Variants in STK39 observed in about 807,000 individuals in gnomAD.
STK39 encodes the protein serine/threonine kinase 39, also known as STE20/SPS1-related proline-alanine-rich protein kinase.
A neutral mutation model predicts 77.8 loss-of-function variants in STK39; 20 were observed. The ratio of observed to expected loss-of-function variants is 0.26; its 90% CI spans 0.18 to 0.37. The LOEUF (loss-of-function observed/expected upper bound fraction) is 0.37, where lower values mean the gene tolerates loss of function less well. STK39 is among the 10% of genes least tolerant of loss of function. The pLI is 1.00. For missense variants in STK39, 479 were observed against 656.5 expected (o/e 0.73, Z 2.95); for synonymous variants, 246 against 234.1 (o/e 1.05, Z -0.47).
intron 5 of STK39, among the ~76,000 whole-genome samples, chr2:168,157,094 G>A (rs1305593429): frequency 1.3e-5 from 2 of 152,114 alleles, no homozygotes; most frequent in Non-Finnish European, 2.9e-5. Flanking sequence ...AGTGACAGAA[G>A]CAAGTTAAGT....
At chr2:168,221,139 T>C (rs1370956997) in intron 1 of STK39, among the ~76,000 whole-genome samples, 1 of 152,198 alleles carries the variant, frequency 6.6e-6, no homozygotes, top group Non-Finnish European at 1.5e-5. Flanking sequence ...CTAGGATACC[T>C]TTGTTCAAAG....
intron 1 of STK39, among the ~76,000 whole-genome samples, chr2:168,244,998 G>A (rs1414112277): frequency 6.6e-6 from 1 of 152,150 alleles, no homozygotes; most frequent in East Asian, 1.9e-4. Context: ...AAAAAATACT[G>A]TTTTCAAAAG....
intron 1 of STK39, among the ~76,000 whole-genome samples, chr2:168,231,245 A>G (rs914023477): frequency 6.6e-6 from 1 of 152,188 alleles, no homozygotes; most frequent in Non-Finnish European, 1.5e-5. Context: ...AGTATTTTAA[A>G]AGCAAATTAA....
At chr2:167,970,869 A>G (rs759846415) in intron 16 of STK39, among the ~76,000 whole-genome samples, 1 of 152,102 alleles carries the variant, frequency 6.6e-6, no homozygotes, top group Non-Finnish European at 1.5e-5. Flanking sequence ...TCTGATTTCT[A>G]TATGTTACTT....
intron 4 of STK39, 98 bp downstream of exon 4, chr2:168,163,640 AC>A (rs1353321441): frequency 1.2e-6 from 2 of 1,603,140 alleles, no homozygotes; most frequent in African/African-American, 2.7e-5. Flanking sequence ...CAGAGGTCAC[AC>A]CTGTGAATCT....
chr2:168,182,949 G>C (rs1689120329), intron 1 of STK39, among the ~76,000 whole-genome samples: 2 of 152,138 alleles, frequency 1.3e-5, no homozygotes, highest in Admixed American at 1.3e-4. Context: ...TTGTGCAAAG[G>C]TGGTCAGAGG....
chr2:168,220,103 A>G (rs1690128601), intron 1 of STK39, among the ~76,000 whole-genome samples: 1 of 152,140 alleles, frequency 6.6e-6, no homozygotes, highest in Non-Finnish European at 1.5e-5. Context: ...ATTTATAAAT[A>G]GAGATAAAGG....
intron 17 of STK39, among the ~76,000 whole-genome samples, chr2:167,959,288 T>G (rs573387457): frequency 6.6e-6 from 1 of 151,722 alleles, no homozygotes; most frequent in East Asian, 1.9e-4. Context: ...CCAGGTAATT[T>G]TTTTTTTTTT....
chr2:168,087,718 G>A (rs1992928), intron 10 of STK39, among the ~76,000 whole-genome samples: 36,730 of 152,128 alleles, frequency 0.24, 5,117 homozygotes, highest in Non-Finnish European at 0.31. Context: ...GTTGAAGCCT[G>A]ACTGATACAC....
At chr2:167,971,993 C>T (rs568795317) in intron 16 of STK39, among the ~76,000 whole-genome samples, 80 of 152,346 alleles carry the variant, frequency 5.3e-4, no homozygotes, top group African/African-American at 1.7e-3. Context: ...CCCCATGCAA[C>T]GCCTTGGGCA....
chr2:168,165,236 T>C (rs1187206646), intron 3 of STK39, among the ~76,000 whole-genome samples: 1 of 152,210 alleles, frequency 6.6e-6, no homozygotes, highest in Non-Finnish European at 1.5e-5. Context: ...GCCCACGTCC[T>C]TACCTGTGGA....
At chr2:168,223,043 A>C (rs1036495868) in intron 1 of STK39, among the ~76,000 whole-genome samples, 4 of 152,182 alleles carry the variant, frequency 2.6e-5, no homozygotes, top group Admixed American at 6.5e-5. Context: ...TGCAAGGCCA[A>C]TATGATGGTC....
At chr2:168,032,967 A>T (rs1306519682) in intron 14 of STK39, among the ~76,000 whole-genome samples, 2 of 152,248 alleles carry the variant, frequency 1.3e-5, no homozygotes, top group African/African-American at 4.8e-5. Flanking sequence ...GGTAAAGGTT[A>T]ACAGTTATAA....
intron 10 of STK39, among the ~76,000 whole-genome samples, chr2:168,084,077 G>A (rs567015018): frequency 6.6e-6 from 1 of 151,982 alleles, no homozygotes; most frequent in South Asian, 2.1e-4. Context: ...AAAAATTAAT[G>A]TCTTTGGGAC....
At position 168,066,677 on chromosome 2, in the gene STK39, G is replaced by A. The variant is rs538009171; in HGVS notation, c.1243-1296C>T. ...TGAAAACTTCTCTTTCCCCTGGGAA[G>A]ACCCATCTCCTGCCCTGCACAATCA... On this transcript the variant is annotated intron_variant, in intron 12 of 17. Transcript: ENST00000355999. 2.1e-3 allele frequency among the ~76,000 whole-genome samples: 318 copies of A among 152,308 alleles called. 4 individuals are homozygous for A. Among genetic ancestry groups the A allele is most frequent in the African/African-American group, 7.4e-3 (308 of 41,576 alleles).
At chr2:168,136,493 A>T (rs1444849277) in intron 8 of STK39, among the ~76,000 whole-genome samples, 3 of 152,218 alleles carry the variant, frequency 2.0e-5, no homozygotes, top group Non-Finnish European at 4.4e-5. Flanking sequence ...CATTAAGTAC[A>T]CTAACGATTC....
chr2:168,034,613 C>G (rs899933623), intron 14 of STK39, among the ~76,000 whole-genome samples: 5 of 152,338 alleles, frequency 3.3e-5, no homozygotes, highest in South Asian at 4.1e-4. Context: ...TTCAGGAACT[C>G]ACTGGACTAA....
intron 10 of STK39, among the ~76,000 whole-genome samples, chr2:168,075,447 C>T (rs1686055403): frequency 6.6e-6 from 1 of 152,084 alleles, no homozygotes. Flanking sequence ...TTTTGAAATG[C>T]ATTACTATAT....
chr2:168,213,624 T>C (rs1286163341), intron 1 of STK39, among the ~76,000 whole-genome samples: 2 of 150,898 alleles, frequency 1.3e-5, no homozygotes, highest in Non-Finnish European at 2.9e-5. Flanking sequence ...AGGTGGAGGT[T>C]GCAGTGAGCC....
Sources: gnomAD v4.1 joint callset for allele counts (sites outside exome capture counted in the v4.1 genomes callset) on GRCh38, gnomAD v4.1.1 for gene constraint, MANE v1.5 for transcripts, NCBI Gene and HGNC (gene_info 2026-07-23, HGNC 2026-07-21) for gene names.